The following LMCD1 variants were observed in gnomAD, a reference collection of about 807,000 sequenced individuals.
The protein encoded by LMCD1 is LIM and cysteine-rich domains protein 1.
Under a neutral mutation model 42.7 loss-of-function variants are expected in LMCD1, and 32 were observed. That is an observed-to-expected ratio of 0.75 (90% confidence interval 0.57 to 1.01). The LOEUF (loss-of-function observed/expected upper bound fraction) is 1.01. Ranked by LOEUF, LMCD1 falls within the 50% of genes least tolerant of loss-of-function variation. The pLI is 0.00. For missense variants in LMCD1, 458 were observed against 483.1 expected, an observed-to-expected ratio of 0.95 and a Z score of 0.49; for synonymous variants, 178 against 184.9, an observed-to-expected ratio of 0.96 and a Z score of 0.30.
At chr3:8,503,478 G>C (rs1284420138) in intron 1 of LMCD1, among the ~76,000 whole-genome samples, 1 of 152,174 alleles carries the variant, frequency 6.6e-6, no homozygotes, top group East Asian at 1.9e-4. Flanking sequence ...TAACATTTTA[G>C]ACTCTTAGAA....
At chr3:8,530,279 T>C (rs1694387395) in intron 1 of LMCD1, among the ~76,000 whole-genome samples, 1 of 152,210 alleles carries the variant, frequency 6.6e-6, no homozygotes, top group Admixed American at 6.5e-5. Context: ...GCCAGTTCCT[T>C]ATTTTTCAGA....
intron 4 of LMCD1, among the ~76,000 whole-genome samples, chr3:8,554,811 G>A (rs965480978): frequency 6.6e-6 from 1 of 152,140 alleles, no homozygotes; most frequent in South Asian, 2.1e-4. Flanking sequence ...CAGATTTCCC[G>A]GGTATGGTCA....
At chr3:8,532,101 G>T (rs896850803) in intron 1 of LMCD1, among the ~76,000 whole-genome samples, 13 of 152,086 alleles carry the variant, frequency 8.5e-5, no homozygotes, top group African/African-American at 3.1e-4. Flanking sequence ...ATGCCATTTG[G>T]GTTTAAACAC....
chr3:8,549,084 A>G (rs1694793181), intron 4 of LMCD1, among the ~76,000 whole-genome samples, 181 bp downstream of exon 4: 1 of 152,206 alleles, frequency 6.6e-6, no homozygotes, highest in Admixed American at 6.5e-5. Context: ...AAATGATACA[A>G]TACCACTGCC....
In LMCD1 at chr3:8,502,321, T is replaced by TAATATATATAAAATATATATAA. The variant is rs1553604870; in HGVS notation, c.42+341_42+342insAATATATATAAAATATATATAA. On this transcript the variant is annotated intron_variant, in intron 1 of 5. Transcript: ENST00000157600. ...TTATATATAATATATAAAATATATA[T>TAATATATATAAAATATATATAA]TATATATAATATATATTATATATAA... 1.2e-4 allele frequency among the ~76,000 whole-genome samples: 3 copies of TAATATATATAAAATATATATAA among 25,754 alleles called. 1 individual carries two copies. The highest frequency in any genetic ancestry group is 0.045 in the Middle Eastern group (2 of 44). The allele number at this position is 25,754 out of a possible 152,430, so 16.9% of individuals were successfully genotyped here. A position where few individuals can be genotyped will look rare whatever the true frequency, so the allele number is the denominator to read the frequency against.
intron 1 of LMCD1, among the ~76,000 whole-genome samples, chr3:8,502,445 A>T (rs1392314442): frequency 8.3e-6 from 1 of 120,956 alleles, no homozygotes; most frequent in Non-Finnish European, 1.6e-5. Context: ...TGGTCTGTAA[A>T]GGAAAAACCC....
chr3:8,538,373 T>C (rs1694551777), intron 3 of LMCD1, among the ~76,000 whole-genome samples: 2 of 152,244 alleles, frequency 1.3e-5, no homozygotes, highest in African/African-American at 4.8e-5. Context: ...ATGATTTCTA[T>C]ATGTTAATAC....
intron 1 of LMCD1, among the ~76,000 whole-genome samples, chr3:8,518,018 G>A (rs1353768842): frequency 6.6e-6 from 1 of 151,484 alleles, no homozygotes; most frequent in Non-Finnish European, 1.5e-5. Context: ...ACCACCTCAT[G>A]AAGCTCATAG....
chr3:8,553,643 G>A (rs1694877405), intron 4 of LMCD1, among the ~76,000 whole-genome samples: 1 of 152,098 alleles, frequency 6.6e-6, no homozygotes, highest in South Asian at 2.1e-4. Flanking sequence ...ATTAGCCTTG[G>A]CACCTCGGTC....
intron 1 of LMCD1, among the ~76,000 whole-genome samples, chr3:8,531,594 C>T (rs1694412158): frequency 6.6e-6 from 1 of 152,174 alleles, no homozygotes; most frequent in Non-Finnish European, 1.5e-5. Flanking sequence ...ATCCAAGTCT[C>T]TCAGACTCCA....
At chr3:8,540,420 A>G (rs1291001760) in intron 3 of LMCD1, among the ~76,000 whole-genome samples, 2 of 152,244 alleles carry the variant, frequency 1.3e-5, no homozygotes, top group African/African-American at 2.4e-5. Context: ...GAAGTATACT[A>G]TCATTACCCT....
At chr3:8,507,206 A>T (rs961557364) in intron 1 of LMCD1, among the ~76,000 whole-genome samples, 1 of 152,256 alleles carries the variant, frequency 6.6e-6, no homozygotes, top group Admixed American at 6.5e-5. Context: ...GGATGTTTAC[A>T]TATAGCAATA....
At position 8,524,518 on chromosome 3, in the gene LMCD1, A is replaced by G. The variant is rs80178089; in HGVS notation, c.43-8219A>G. 3.4e-3 allele frequency among the ~76,000 whole-genome samples: 515 copies of G among 152,368 alleles called. 6 individuals carry two copies. The highest frequency in any genetic ancestry group is 0.011 in the African/African-American group (478 of 41,594). On this transcript the variant is annotated intron_variant, in intron 1 of 5. Coordinates refer to ENST00000157600, the MANE Select transcript of LMCD1 (RefSeq NM_014583.4). ...CAGGCTTGTGCCAGGGCTGATGCTG[A>G]AATGACAACAATAAAAGCCAGACTT...
intron 1 of LMCD1, among the ~76,000 whole-genome samples, chr3:8,508,270 C>A (rs903127847): frequency 6.6e-6 from 1 of 152,174 alleles, no homozygotes; most frequent in Non-Finnish European, 1.5e-5. Context: ...GTCTAGTCAG[C>A]CTGACCCATG....
At chr3:8,562,015 A>G (rs973283591) in intron 4 of LMCD1, among the ~76,000 whole-genome samples, 3 of 152,208 alleles carry the variant, frequency 2.0e-5, no homozygotes, top group Non-Finnish European at 2.9e-5. Flanking sequence ...GAACCAGTGA[A>G]TGAATGAGCA....
At chr3:8,531,105 T>C (rs922133991) in intron 1 of LMCD1, among the ~76,000 whole-genome samples, 2 of 152,200 alleles carry the variant, frequency 1.3e-5, no homozygotes, top group African/African-American at 4.8e-5. Flanking sequence ...AGCTGTCTCT[T>C]TCCATACGTC....
chr3:8,565,608 C>G lies in LMCD1; in HGVS notation c.900C>G (p.Tyr300Ter). The G allele has an allele frequency of 6.2e-7, 1 of 1,611,218 alleles. No individual in the cohort carries two copies. The highest frequency in any genetic ancestry group is 2.2e-5 in the East Asian group (1 of 44,786). Residue 300 changes from tyrosine (Y) to a stop codon, truncating the protein, a stop_gained, in exon 5 of 6, where the codon TAC becomes TAG. Coordinates refer to ENST00000157600, the MANE Select transcript of LMCD1 (RefSeq NM_014583.4). LOFTEE classifies it high-confidence loss of function. ...GTGCACCCTGGTGCGGCCGCCATTACTGCGAGAGTCTGCGGCCCCGGTGCT... is the reference window on the plus strand; with the variant it reads ...GTGCACCCTGGTGCGGCCGCCATTAGTGCGAGAGTCTGCGGCCCCGGTGCT... ...KDGAPWCGRH[Y>*]CESLRPRCSG... is the part of the protein sequence containing the mutation.
At chr3:8,510,313 G>A (rs1693972437) in intron 1 of LMCD1, among the ~76,000 whole-genome samples, 1 of 152,134 alleles carries the variant, frequency 6.6e-6, no homozygotes, top group South Asian at 2.1e-4. Context: ...ACCCTGGCTC[G>A]GCCAGCCAGT....
chr3:8,539,155 A>G (rs1237691563), intron 3 of LMCD1, among the ~76,000 whole-genome samples: 1 of 152,222 alleles, frequency 6.6e-6, no homozygotes, highest in African/African-American at 2.4e-5. Context: ...TAAGTAAAAA[A>G]CAAACAAACC....
Sources: gnomAD v4.1 joint callset for allele counts (sites outside exome capture counted in the v4.1 genomes callset) on GRCh38, gnomAD v4.1.1 for gene constraint, MANE v1.5 for transcripts, NCBI Gene and HGNC (gene_info 2026-07-23, HGNC 2026-07-21) for gene names.